Variants in UPRT observed in about 807,000 individuals in gnomAD.
UPRT encodes the protein RP11-311P8.3.
UPRT carries 5 observed loss-of-function variants against 22.6 expected under a neutral mutation model. The ratio of observed to expected loss-of-function variants is 0.22; its 90% CI spans 0.12 to 0.47. The LOEUF (loss-of-function observed/expected upper bound fraction) is 0.47. Ranked by LOEUF, UPRT falls within the 20% of genes least tolerant of loss-of-function variation. The probability of loss-of-function intolerance (pLI) is 0.99; values close to 1 mark genes in which losing one functional copy is unlikely to be tolerated. For missense variants in UPRT, 181 were observed against 239.9 expected (o/e 0.75, Z 1.62); for synonymous variants, 77 against 87.7 (o/e 0.88, Z 0.68).
intron 1 of UPRT, among the ~76,000 whole-genome samples, chrX:75,286,840 G>A (rs2082683683): frequency 9.0e-6 from 1 of 111,543 alleles, no homozygotes; most frequent in South Asian, 3.8e-4. Flanking sequence ...AGGCTGTGAG[G>A]AACCTGACTT....
chrX:75,239,339 C>T (rs766692620), intron 4 of UPRT, among the ~76,000 whole-genome samples: 16 of 110,740 alleles, frequency 1.4e-4, no homozygotes, highest in East Asian at 2.8e-4. Flanking sequence ...ACTTTATGTG[C>T]GAAAATTAGA....
chrX:75,248,899 A>G (rs777147745), intron 4 of UPRT, among the ~76,000 whole-genome samples: 18 of 112,207 alleles, frequency 1.6e-4, no homozygotes, highest in Admixed American at 5.7e-4. Context: ...AGTGGGGGCT[A>G]ATATTCAACA....
chrX:75,275,832 C>A (rs1197281157), intron 1 of UPRT, among the ~76,000 whole-genome samples: 1 of 111,235 alleles, frequency 9.0e-6, no homozygotes, highest in Non-Finnish European at 1.9e-5. Flanking sequence ...GCCTTAGCCT[C>A]CTGAGTAGCT....
chrX:75,237,512 G>A (rs758278071), intron 4 of UPRT, among the ~76,000 whole-genome samples: 60 of 109,804 alleles, frequency 5.5e-4, no homozygotes, highest in Non-Finnish European at 4.2e-4. Flanking sequence ...TGTTTATTGC[G>A]GCATTATTCA....
chrX:75,175,428 C>T (rs1297517811), intron 4 of UPRT, among the ~76,000 whole-genome samples: 4 of 112,146 alleles, frequency 3.6e-5, no homozygotes, highest in African/African-American at 6.5e-5. Flanking sequence ...TAGGATTCCT[C>T]GGATGGTAAC....
intron 1 of UPRT, among the ~76,000 whole-genome samples, chrX:75,285,233 G>A (rs1470987223): frequency 9.0e-6 from 1 of 111,442 alleles, no homozygotes; most frequent in Non-Finnish European, 1.9e-5. Flanking sequence ...CCTCCAAGTT[G>A]AGAAAGAAAA....
chrX:75,232,318 A>C (rs2082441363), intron 4 of UPRT, among the ~76,000 whole-genome samples: 1 of 112,391 alleles, frequency 8.9e-6, no homozygotes, highest in South Asian at 3.7e-4. Context: ...GATTGCTAGC[A>C]CAGCAGTCTG....
intron 4 of UPRT, among the ~76,000 whole-genome samples, chrX:75,239,796 T>C (rs1462106439): frequency 1.8e-5 from 2 of 111,489 alleles, no homozygotes; most frequent in Non-Finnish European, 3.8e-5. Flanking sequence ...TGGTTTAACA[T>C]ATGCAAGTCA....
chrX:75,282,717 C>T (rs947811468), intron 1 of UPRT, among the ~76,000 whole-genome samples: 1 of 111,528 alleles, frequency 9.0e-6, no homozygotes, highest in African/African-American at 3.3e-5. Context: ...GGAGAAAGTT[C>T]CATGCACTGT....
intron 4 of UPRT, among the ~76,000 whole-genome samples, chrX:75,215,743 C>T (rs942563646): frequency 9.0e-6 from 1 of 111,555 alleles, no homozygotes; most frequent in African/African-American, 3.3e-5. Flanking sequence ...TCCCTGGTGA[C>T]AGGATCCATA....
chrX:75,161,801 G>A (rs1402191969), intron 2 of UPRT, among the ~76,000 whole-genome samples: 6 of 111,990 alleles, frequency 5.4e-5, no homozygotes, highest in Non-Finnish European at 7.5e-5. Context: ...TAAAGTCTAT[G>A]CTGCCAACCT....
rs57493246 is a variant in UPRT at position 75,225,323 on chromosome X, CCACA to C, written c.-447+57484_-447+57487del. ...ACAAAAACAAAACCAAAACCAAAAA[CCACA>C]CACACACACACACACACACACACAC... On this transcript the variant is annotated intron_variant, in intron 4 of 13. Coordinates refer to the UPRT transcript ENST00000652605. 3.9e-3 allele frequency among the ~76,000 whole-genome samples: 324 copies of C among 82,030 alleles called. 3 individuals carry two copies. Among genetic ancestry groups the C allele is most frequent in the African/African-American group, 0.012 (273 of 22,535 alleles). 71.2% of individuals were successfully genotyped at this position (82,030 alleles called of 115,157 possible).
chrX:75,238,273 A>G (rs776291428), intron 4 of UPRT, among the ~76,000 whole-genome samples: 1 of 111,390 alleles, frequency 9.0e-6, no homozygotes, highest in East Asian at 2.8e-4. Context: ...ACTTAAGGTA[A>G]AGAGGTAGAA....
intron 1 of UPRT, among the ~76,000 whole-genome samples, chrX:75,291,752 G>A (rs2082709096): frequency 9.0e-6 from 1 of 111,620 alleles, no homozygotes; most frequent in Non-Finnish European, 1.9e-5. Flanking sequence ...AAATAGGTAA[G>A]TAATTACAGC....
chrX:75,225,322 AC>A (rs2082420705), intron 4 of UPRT, among the ~76,000 whole-genome samples: 1 of 24,842 alleles, frequency 4.0e-5, no homozygotes, highest in Non-Finnish European at 8.9e-5. Flanking sequence ...AAAACCAAAA[AC>A]CACACACACA....
At chrX:75,237,692 G>A (rs371564339) in intron 4 of UPRT, among the ~76,000 whole-genome samples, 10 of 105,721 alleles carry the variant, frequency 9.5e-5, no homozygotes, top group South Asian at 4.4e-4. Context: ...GTAAACTATC[G>A]CAAGAACAAA....
chrX:75,267,572 TA>T (rs933787230), intron 4 of UPRT, among the ~76,000 whole-genome samples: 1 of 110,584 alleles, frequency 9.0e-6, no homozygotes, highest in African/African-American at 3.3e-5. Flanking sequence ...ACTTAAAGTA[TA>T]AAAAAAAGAA....
intron 4 of UPRT, among the ~76,000 whole-genome samples, chrX:75,223,802 G>A (rs1365125532): frequency 9.0e-6 from 1 of 111,636 alleles, no homozygotes; most frequent in South Asian, 3.8e-4. Context: ...GTTAAAAGCA[G>A]GTACTGTGAT....
At chrX:75,173,092 A>C (rs2082233763) in intron 4 of UPRT, among the ~76,000 whole-genome samples, 3 of 111,487 alleles carry the variant, frequency 2.7e-5, no homozygotes, top group African/African-American at 9.8e-5. Context: ...AAGGTTTTCC[A>C]TGTCCTTATC....
Sources: allele counts gnomAD v4.1 joint callset (sites outside exome capture counted in the v4.1 genomes callset), GRCh38; gene constraint gnomAD v4.1.1; transcripts MANE v1.5; gene names NCBI Gene and HGNC (gene_info 2026-07-23, HGNC 2026-07-21).